PLCB1: variants seen among roughly 807,000 people sequenced by gnomAD.
The protein encoded by PLCB1 is 1-phosphatidylinositol 4,5-bisphosphate phosphodiesterase beta-1.
In PLCB1, 46 loss-of-function variants were observed where a neutral mutation model predicts 161.8. The observed-to-expected ratio is 0.28, with a 90% CI of 0.22 to 0.36. The LOEUF (loss-of-function observed/expected upper bound fraction) is 0.36. Among genes scored for constraint, PLCB1 ranks in the 10% least tolerant of loss-of-function variants. The pLI is 1.00. For synonymous variants in PLCB1, 517 were observed against 503.7 expected (o/e 1.03, Z -0.35); for missense variants, 1,016 against 1,472.5 (o/e 0.69, Z 5.07).
intron 9 of PLCB1, among the ~76,000 whole-genome samples, chr20:8,664,578 A>G (rs1989763331): frequency 6.6e-6 from 1 of 152,140 alleles, no homozygotes; most frequent in Non-Finnish European, 1.5e-5. Context: ...GGAAACTTGA[A>G]AACTGTAGTT....
intron 2 of PLCB1, among the ~76,000 whole-genome samples, chr20:8,364,669 A>G (rs983331497): frequency 6.6e-6 from 1 of 152,202 alleles, no homozygotes; most frequent in South Asian, 2.1e-4. Flanking sequence ...GCTGAACTTT[A>G]TGTCAAACAC....
chr20:8,227,426 TG>T (rs1373407955), intron 2 of PLCB1, among the ~76,000 whole-genome samples: 1 of 152,158 alleles, frequency 6.6e-6, no homozygotes, highest in Non-Finnish European at 1.5e-5. Context: ...ATTAAGCCTC[TG>T]GTTTCCTCTC....
At chr20:8,414,352 C>T (rs938163093) in intron 3 of PLCB1, among the ~76,000 whole-genome samples, 1 of 151,920 alleles carries the variant, frequency 6.6e-6, no homozygotes, top group Non-Finnish European at 1.5e-5. Flanking sequence ...GAAACAAAAA[C>T]AAAAAACAAA....
chr20:8,605,369 C>T (rs552128934), intron 3 of PLCB1, among the ~76,000 whole-genome samples: 292 of 152,074 alleles, frequency 1.9e-3, no homozygotes, highest in South Asian at 0.014. Flanking sequence ...CACTTATAGA[C>T]GTAGTTCACT....
chr20:8,843,583 A>T (rs1487839944), intron 31 of PLCB1, among the ~76,000 whole-genome samples: 1 of 152,126 alleles, frequency 6.6e-6, no homozygotes, highest in Non-Finnish European at 1.5e-5. Flanking sequence ...AGGTATTACT[A>T]GACTAACACA....
At chr20:8,881,358 T>TGTGTGTGTGTGTGCGC (rs369188885) in intron 31 of PLCB1, among the ~76,000 whole-genome samples, 3 of 150,502 alleles carry the variant, frequency 2.0e-5, no homozygotes, top group Admixed American at 6.6e-5. Flanking sequence ...TGTGTGTGTG[T>TGTGTGTGTGTGTGCGC]GCATTTGTAG....
intron 3 of PLCB1, among the ~76,000 whole-genome samples, chr20:8,624,405 AAAAAT>A (rs1470279439): frequency 2.0e-5 from 3 of 152,218 alleles, no homozygotes; most frequent in Non-Finnish European, 4.4e-5. Context: ...TTCTGGTATC[AAAAAT>A]AAAATCTAAA....
intron 31 of PLCB1, among the ~76,000 whole-genome samples, chr20:8,855,489 T>C (rs371072719): frequency 1.3e-5 from 2 of 152,188 alleles, no homozygotes; most frequent in Admixed American, 6.5e-5. Flanking sequence ...AAATGTGCTG[T>C]GATGAATCAC....
intron 2 of PLCB1, among the ~76,000 whole-genome samples, chr20:8,204,252 A>G (rs1978403873): frequency 6.6e-6 from 1 of 152,108 alleles, no homozygotes; most frequent in Admixed American, 6.6e-5. Context: ...TTAACAACTA[A>G]ATAATTGGAG....
At chr20:8,519,400 A>C (rs1398044855) in intron 3 of PLCB1, among the ~76,000 whole-genome samples, 3 of 152,172 alleles carry the variant, frequency 2.0e-5, no homozygotes, top group Admixed American at 6.5e-5. Context: ...AAAGAAGAGT[A>C]GTAGCAAACT....
chr20:8,518,411 A>G (rs1045714064), intron 3 of PLCB1, among the ~76,000 whole-genome samples: 17 of 152,096 alleles, frequency 1.1e-4, no homozygotes, highest in Non-Finnish European at 1.6e-4. Flanking sequence ...GGTGGGATGT[A>G]GGATAGGACT....
intron 2 of PLCB1, among the ~76,000 whole-genome samples, chr20:8,271,615 C>T (rs1294991946): frequency 6.6e-6 from 1 of 151,998 alleles, no homozygotes; most frequent in African/African-American, 2.4e-5. Flanking sequence ...ATAGCTGGGT[C>T]ATAAGAGAGC....
intron 4 of PLCB1, among the ~76,000 whole-genome samples, chr20:8,632,770 G>A (rs564289664): frequency 1.3e-4 from 20 of 152,266 alleles, no homozygotes; most frequent in Admixed American, 3.9e-4. Flanking sequence ...AAGGGCAAGC[G>A]TGACAGCAGC....
chr20:8,520,756 G>A (rs193282309), intron 3 of PLCB1, among the ~76,000 whole-genome samples: 166 of 152,288 alleles, frequency 1.1e-3, no homozygotes, highest in African/African-American at 3.8e-3. Context: ...GGACCATACA[G>A]TATGTAGTCT....
At chr20:8,227,439 A>G (rs1373521835) in intron 2 of PLCB1, among the ~76,000 whole-genome samples, 1 of 152,060 alleles carries the variant, frequency 6.6e-6, no homozygotes, top group Admixed American at 6.5e-5. Flanking sequence ...TTTCCTCTCA[A>G]TCCACCCAAA....
At chr20:8,323,865 A>C (rs977595299) in intron 2 of PLCB1, among the ~76,000 whole-genome samples, 1 of 152,152 alleles carries the variant, frequency 6.6e-6, no homozygotes, top group Non-Finnish European at 1.5e-5. Context: ...ATTGCCAAAA[A>C]AAAAAAAAAT....
At chr20:8,849,855 A>G (rs1986827650) in intron 31 of PLCB1, among the ~76,000 whole-genome samples, 1 of 151,704 alleles carries the variant, frequency 6.6e-6, no homozygotes, top group African/African-American at 2.4e-5. Context: ...TCTACTAAAA[A>G]TACAAAAATT....
chr20:8,650,516 T>C (rs1020467951), intron 7 of PLCB1, among the ~76,000 whole-genome samples: 4 of 152,160 alleles, frequency 2.6e-5, no homozygotes, highest in Admixed American at 2.6e-4. Flanking sequence ...GGAGTAGCCC[T>C]GCTCTGCGGG....
intron 4 of PLCB1, among the ~76,000 whole-genome samples, chr20:8,645,017 C>A (rs899590994): frequency 1.3e-5 from 2 of 152,128 alleles, no homozygotes; most frequent in Non-Finnish European, 2.9e-5. Context: ...TGTAACCTTA[C>A]CCCCAACCCT....
Sources: gnomAD v4.1 joint callset for allele counts (sites outside exome capture counted in the v4.1 genomes callset) on GRCh38, gnomAD v4.1.1 for gene constraint, MANE v1.5 for transcripts, NCBI Gene and HGNC (gene_info 2026-07-23, HGNC 2026-07-21) for gene names.